NCKAP5L: variants seen among roughly 807,000 people sequenced by gnomAD.
NCKAP5L encodes the protein nck-associated protein 5-like.
Under a neutral mutation model 103.2 loss-of-function variants are expected in NCKAP5L, and 54 were observed. The ratio of observed to expected loss-of-function variants is 0.52; its 90% confidence interval spans 0.42 to 0.66. NCKAP5L has a LOEUF of 0.66. Among genes scored for constraint, NCKAP5L ranks in the 30% least tolerant of loss-of-function variants. The pLI, the probability that NCKAP5L is intolerant of heterozygous loss-of-function variation, is 0.00. For missense variants in NCKAP5L, 1,733 were observed against 1,750.6 expected (o/e 0.99, Z 0.18); for synonymous variants, 762 against 748.6 (o/e 1.02, Z -0.29).
At chr12:49,809,246 C>A (rs1431078034) in intron 1 of NCKAP5L, among the ~76,000 whole-genome samples, 1 of 152,172 alleles carries the variant, frequency 6.6e-6, no homozygotes, top group African/African-American at 2.4e-5. Flanking sequence ...TTTCAGTTAG[C>A]CAGACCAGAA....
Position 49,792,579 on chromosome 12 carries a change from T to C in NCKAP5L, c.3659A>G (p.Glu1220Gly). Residue 1220 changes from glutamate (E) to glycine (G), a missense_variant, in exon 12 of 13, where the codon GAA (glutamate) becomes GGA (glycine). By Grantham distance (98) the Glu-to-Gly change is moderately conservative. Transcript: ENST00000335999. The surrounding 1 kb of genome is among the most constrained non-coding windows in gnomAD (Gnocchi z 4.5). ...GHETCPDDPC[E>G]DPGPTPPVQL... ...GACAGGAGGGGTGGGGCCTGGGTCTTCACAGGGATCTGTCCAGGAACAAAG... is the reference window on the plus strand; with the variant it reads ...GACAGGAGGGGTGGGGCCTGGGTCTCCACAGGGATCTGTCCAGGAACAAAG... 7 of 1,613,618 alleles carry C rather than the reference T, an allele frequency of 4.3e-6. No individual in the cohort carries two copies. The highest frequency in any genetic ancestry group is 5.9e-6 in the Non-Finnish European group (7 of 1,179,776).
At position 49,796,629 on chromosome 12, in the gene NCKAP5L, C is replaced by T. The variant is rs1367427999; in HGVS notation, c.1231G>A (p.Gly411Ser). The T allele has an allele frequency of 1.3e-6, 2 of 1,592,188 alleles. No individual in the cohort carries two copies. The highest frequency in any genetic ancestry group is 1.7e-6 in the Non-Finnish European group (2 of 1,170,214). Residue 411 changes from glycine to serine, a missense_variant, in exon 8 of 13, where the codon GGT becomes AGT. By Grantham distance (56) the Gly-to-Ser change is moderately conservative. Coordinates refer to ENST00000335999, the MANE Select transcript of NCKAP5L (RefSeq NM_001037806.4). ...GAGCCCAGTGGGGCATCCCCAGCACCCATGAACATGCTAAGGAAGGGGAGG... is the reference window on the plus strand; with the variant it reads ...GAGCCCAGTGGGGCATCCCCAGCACTCATGAACATGCTAAGGAAGGGGAGG... ...GPLPFLSMFM[G>S]AGDAPLGSRP...
intron 2 of NCKAP5L, chr12:49,805,427 T>C (rs1429446724): frequency 1.3e-5 from 2 of 152,222 alleles, no homozygotes; most frequent in Non-Finnish European, 2.9e-5. Flanking sequence ...CATCTTCCAA[T>C]TGAGTTCCAA....
In NCKAP5L at chr12:49,797,385, C is replaced by A; in HGVS notation, c.475G>T (p.Glu159Ter). Residue 159 changes from glutamate to a stop codon, truncating the protein, a stop_gained, in exon 8 of 13, where the codon GAG (glutamate) becomes TAG (stop). Coordinates refer to ENST00000335999, the MANE Select transcript of NCKAP5L (RefSeq NM_001037806.4). LOFTEE classifies it high-confidence loss of function. This position sits in a 1 kb window ranked among gnomAD's most constrained non-coding sequence, Gnocchi z 4.5. ...HCAGQREVCW[E>*]QQLRPGGPGP... ...GGGCCTCCTGGCCTCAGCTGCTGCT[C>A]CCAACATACCTTAGGGGAGAGATGA... 1 of 1,603,692 alleles carries A rather than the reference C, an allele frequency of 6.2e-7. No individual in the cohort carries two copies. The highest frequency in any genetic ancestry group is 1.1e-5 in the South Asian group (1 of 89,862).
At chr12:49,816,382 C>T (rs1245292910) in intron 1 of NCKAP5L, among the ~76,000 whole-genome samples, 1 of 151,316 alleles carries the variant, frequency 6.6e-6, no homozygotes, top group Admixed American at 6.6e-5. Context: ...CCAAAAGACC[C>T]CTAACTATCC....
intron 1 of NCKAP5L, among the ~76,000 whole-genome samples, chr12:49,822,528 G>C (rs569288210): frequency 6.6e-6 from 1 of 151,824 alleles, no homozygotes; most frequent in Non-Finnish European, 1.5e-5. Flanking sequence ...GGGGGAGAAC[G>C]CGATGGAGGT....
Position 49,797,949 on chromosome 12 carries a change from C to T in NCKAP5L, c.465+401G>A, listed in dbSNP as rs551023145. Among the ~76,000 whole-genome samples, 1 of 152,310 alleles carries T rather than the reference C, an allele frequency of 6.6e-6. No homozygotes were observed. Among genetic ancestry groups the T allele is most frequent in the African/African-American group, 2.4e-5 (1 of 41,568 alleles). On this transcript the variant is annotated intron_variant, in intron 7 of 12. Transcript: ENST00000335999. This position sits in a 1 kb window ranked among gnomAD's most constrained non-coding sequence, Gnocchi z 4.5. Reference sequence around the variant, plus strand: ...TAGCATAGTGTGGTATAGTGGGCAACCCATAGGCTCTGGAGTCAGCCTGTG... The same window carrying T: ...TAGCATAGTGTGGTATAGTGGGCAATCCATAGGCTCTGGAGTCAGCCTGTG...
rs1046458248 is a variant in NCKAP5L at position 49,803,761 on chromosome 12, G to T, written c.123+161C>A. ...AGCAAGGAAAGGGCTTCTCAGAGGA[G>T]CTTTGCAAAAGAATGTTCTGCTAGC... On this transcript the variant is annotated intron_variant, in intron 3 of 12. Transcript: ENST00000335999. Among the ~76,000 whole-genome samples the T allele has an allele frequency of 5.9e-5, 9 of 152,334 alleles. No homozygotes were observed. The South Asian group carries it at 6.2e-4, about 11-fold the overall frequency.
intron 1 of NCKAP5L, among the ~76,000 whole-genome samples, chr12:49,822,542 AGT>A (rs911671584): frequency 1.3e-5 from 2 of 151,088 alleles, no homozygotes; most frequent in African/African-American, 4.9e-5. Context: ...TGGAGGTGGG[AGT>A]GAGATTTTTT....
In NCKAP5L at chr12:49,804,067, G is replaced by A. The variant is rs1290325485; in HGVS notation, c.-23C>T. 1 of 1,606,438 alleles carries A rather than the reference G, an allele frequency of 6.2e-7. No individual in the cohort carries two copies. Among genetic ancestry groups the A allele is most frequent in the Admixed American group, 1.7e-5 (1 of 59,924 alleles). Reference sequence around the variant, plus strand: ...CATCTGGCCCTGGGAACAAGGAAGAGAAGCCCCGGCAGGCTACTCCAGGGA... The same window carrying A: ...CATCTGGCCCTGGGAACAAGGAAGAAAAGCCCCGGCAGGCTACTCCAGGGA... On this transcript the variant is annotated 5_prime_UTR_variant, in exon 3 of 13. Transcript: ENST00000335999.
At chr12:49,793,630 T>G in intron 9 of NCKAP5L, 104 bp downstream of exon 9, 1 of 1,379,842 alleles carries the variant, frequency 7.2e-7, no homozygotes, top group South Asian at 1.5e-5. Context: ...TGTGAGTGCA[T>G]CCGGCACTCA....
intron 2 of NCKAP5L, chr12:49,805,759 G>A (rs1181844646): frequency 6.6e-6 from 1 of 152,260 alleles, no homozygotes; most frequent in Non-Finnish European, 1.5e-5. Flanking sequence ...AGAGTTCGAG[G>A]CTGCAGTGAG....
chr12:49,799,251 A>G (rs1946092417), intron 6 of NCKAP5L, among the ~76,000 whole-genome samples: 1 of 151,868 alleles, frequency 6.6e-6, no homozygotes. Context: ...TCTCCTGTGC[A>G]CAAGAGAACC....
intron 6 of NCKAP5L, among the ~76,000 whole-genome samples, chr12:49,799,260 C>T (rs1946092510): frequency 6.6e-6 from 1 of 152,072 alleles, no homozygotes; most frequent in African/African-American, 2.4e-5. Context: ...CACAAGAGAA[C>T]CTCAAGCATC....
chr12:49,802,910 T>G (rs1592752919), intron 5 of NCKAP5L, 48 bp downstream of exon 5: 1 of 1,579,680 alleles, frequency 6.3e-7, no homozygotes, highest in East Asian at 2.3e-5. Flanking sequence ...AGGAAGGGTC[T>G]CATCTGCTGT....
intron 1 of NCKAP5L, among the ~76,000 whole-genome samples, chr12:49,827,084 C>G (rs1282198593): frequency 1.3e-5 from 2 of 152,174 alleles, no homozygotes; most frequent in Admixed American, 6.5e-5. Flanking sequence ...CAAGGAGTCT[C>G]AGAGAGCCAG....
chr12:49,813,297 C>T (rs936404732), intron 1 of NCKAP5L, among the ~76,000 whole-genome samples: 2 of 152,144 alleles, frequency 1.3e-5, no homozygotes, highest in Admixed American at 1.3e-4. Context: ...TTCTCCATAC[C>T]GTCACCACTT....
rs1443506013 is a variant in NCKAP5L, at chr12:49,792,582, C to T, written c.3656G>A (p.Cys1219Tyr). 7 of 1,613,768 alleles carry T rather than the reference C, an allele frequency of 4.3e-6. No homozygotes were observed. Among genetic ancestry groups the T allele is most frequent in the Non-Finnish European group, 5.1e-6 (6 of 1,179,802 alleles). Residue 1219 changes from cysteine (C) to tyrosine (Y), a missense_variant, in exon 12 of 13, where the codon TGT becomes TAT. Cys to Tyr is a radical substitution (Grantham distance 194). Transcript: ENST00000335999. The surrounding 1 kb of genome is among the most constrained non-coding windows in gnomAD (Gnocchi z 4.5). ...AGGAGGGGTGGGGCCTGGGTCTTCA[C>T]AGGGATCTGTCCAGGAACAAAGGGA... ...RGHETCPDDPCEDPGPTPPVQ... is the reference protein window; with the variant it reads ...RGHETCPDDPYEDPGPTPPVQ...
chr12:49,791,762 C>T lies in NCKAP5L; in HGVS notation c.*77G>A. 6.0e-6 allele frequency: 8 copies of T among 1,340,602 alleles called. No homozygotes were observed. The highest frequency in any genetic ancestry group is 2.8e-5 in the Admixed American group (1 of 35,672). The allele number at this position is 1,340,602 out of a possible 1,614,324, so 83.0% of individuals were successfully genotyped here. A position where few individuals can be genotyped will look rare whatever the true frequency, so the allele number is the denominator to read the frequency against. ...TCCCTTCAGGGAGGGGTCCCCGTCTCCGGGGGCTGGGCATGAAGAGAGCCG... is the reference window on the plus strand; with the variant it reads ...TCCCTTCAGGGAGGGGTCCCCGTCTTCGGGGGCTGGGCATGAAGAGAGCCG... On this transcript the variant is annotated 3_prime_UTR_variant, in exon 13 of 13. Coordinates refer to ENST00000335999, the MANE Select transcript of NCKAP5L (RefSeq NM_001037806.4).
Sources: gnomAD v4.1 joint callset for allele counts (sites outside exome capture counted in the v4.1 genomes callset) on GRCh38, gnomAD v4.1.1 for gene constraint, Gnocchi (gnomAD v3.1) non-coding constraint, MANE v1.5 for transcripts, NCBI Gene and HGNC (gene_info 2026-07-23, HGNC 2026-07-21) for gene names.